GAS2L3: variants seen among roughly 807,000 people sequenced by gnomAD.
GAS2L3 encodes the protein GAS2-like protein 3.
In GAS2L3, 28 loss-of-function variants were observed where a neutral mutation model predicts 37.0. The ratio of observed to expected loss-of-function variants is 0.76; its 90% CI spans 0.56 to 1.04. The LOEUF is 1.04. Among genes scored for constraint, GAS2L3 ranks in the 50% least tolerant of loss-of-function variants. The pLI is 0.00. For synonymous variants in GAS2L3, 290 were observed against 296.6 expected, an observed-to-expected ratio of 0.98 and a Z score of 0.23; for missense variants, 793 against 817.6, an observed-to-expected ratio of 0.97 and a Z score of 0.37.
chr12:100,582,134 A>G (rs939621756), intron 1 of GAS2L3, among the ~76,000 whole-genome samples: 1 of 152,198 alleles, frequency 6.6e-6, no homozygotes, highest in Non-Finnish European at 1.5e-5. Flanking sequence ...CAGCAAAGGG[A>G]GATAAGGGTG....
chr12:100,602,833 C>T (rs561204563), intron 5 of GAS2L3, among the ~76,000 whole-genome samples: 1 of 152,276 alleles, frequency 6.6e-6, no homozygotes, highest in South Asian at 2.1e-4. Context: ...CGTCCTTCTA[C>T]TATCTCCGTG....
chr12:100,575,314 G>A (rs758454798), intron 1 of GAS2L3, among the ~76,000 whole-genome samples: 13 of 151,846 alleles, frequency 8.6e-5, no homozygotes, highest in Admixed American at 3.3e-4. Flanking sequence ...ATTGTTTATT[G>A]ACTAAATTAT....
chr12:100,583,809 G>A (rs909059083), intron 1 of GAS2L3, among the ~76,000 whole-genome samples: 5 of 152,044 alleles, frequency 3.3e-5, no homozygotes, highest in Non-Finnish European at 7.4e-5. Flanking sequence ...ATATCAGGCA[G>A]CTCACTTGAC....
In GAS2L3 at chr12:100,624,198, T is replaced by A; in HGVS notation, c.1393T>A (p.Cys465Ser). 1.9e-6 allele frequency: 3 copies of A among 1,613,962 alleles called. No individual in the cohort carries two copies. Among genetic ancestry groups the A allele is most frequent in the South Asian group, 1.1e-5 (1 of 91,078 alleles). ...LPESTLLPNK[C>S]SGKTQPKYLK... The stretch of plus-strand genomic sequence containing the variant: ...CGAGTCCACACTTTTGCCAAATAAG[T>A]GTTCAGGAAAAACTCAACCTAAGTA... The change falls in exon 10 of 10, where the codon TGT becomes AGT. Residue 465 changes from cysteine (C) to serine (S), a missense_variant. Transcript: ENST00000547754.
chr12:100,576,121 A>G (rs960063073), intron 1 of GAS2L3, among the ~76,000 whole-genome samples: 3 of 152,208 alleles, frequency 2.0e-5, no homozygotes, highest in African/African-American at 7.2e-5. Context: ...CCACTTCAGA[A>G]ATGATGTTCC....
intron 8 of GAS2L3, among the ~76,000 whole-genome samples, chr12:100,621,882 G>GGGAGAGAGA (rs1555203890): frequency 2.5e-5 from 2 of 81,256 alleles, no homozygotes; most frequent in Non-Finnish European, 4.6e-5. Context: ...GGTGGGGGGG[G>GGGAGAGAGA]GAGAGAGAGA....
intron 8 of GAS2L3, among the ~76,000 whole-genome samples, chr12:100,621,271 T>C (rs1280606042): frequency 1.3e-5 from 2 of 152,096 alleles, no homozygotes; most frequent in Admixed American, 6.6e-5. Context: ...AAAAATGTAA[T>C]TTTAGGAAAA....
rs1593156732 is a variant in GAS2L3 at position 100,579,269 on chromosome 12, T to G, written c.-152+5484T>G. 1.8e-5 allele frequency: 11 copies of G among 612,384 alleles called. No homozygotes were observed. The East Asian group carries it at 3.0e-4, about 17-fold the overall frequency. The allele number at this position is 612,384 out of a possible 1,614,324, so 37.9% of individuals were successfully genotyped here. A position where few individuals can be genotyped will look rare whatever the true frequency, so the allele number is the denominator to read the frequency against. On this transcript the variant is annotated intron_variant, in intron 1 of 9. Coordinates refer to ENST00000547754, the MANE Select transcript of GAS2L3 (RefSeq NM_174942.3). ...AAACAAACTTCTAACTGTGTCTCTT[T>G]GTGACACAAGCCGTATCATTTGCGT...
chr12:100,622,802 G>A (rs1956276053), intron 9 of GAS2L3, among the ~76,000 whole-genome samples: 1 of 103,992 alleles, frequency 9.6e-6, no homozygotes, highest in Non-Finnish European at 2.0e-5. Context: ...GAAGTGTAGA[G>A]TTTATAATAA....
At chr12:100,618,732 G>T in intron 8 of GAS2L3, 145 bp downstream of exon 8, 1 of 631,548 alleles carries the variant, frequency 1.6e-6, no homozygotes, top group South Asian at 2.7e-5. Context: ...TCCATTCTCT[G>T]ATGAATTCAG....
Position 100,623,807 on chromosome 12 carries a change from C to A in GAS2L3, c.1002C>A (p.Ser334Arg), listed in dbSNP as rs61748061. 139 of 1,613,886 alleles carry A rather than the reference C, an allele frequency of 8.6e-5. No homozygotes were observed. Among genetic ancestry groups the A allele is most frequent in the Non-Finnish European group, 1.2e-4 (136 of 1,179,970 alleles). Reference protein sequence around the residue: ...NMFQKQNSKPSVPVSIPKSKE... With the variant: ...NMFQKQNSKPRVPVSIPKSKE... ...TTCAGAAACAAAATTCAAAACCCAGCGTGCCAGTTAGTATTCCAAAAAGCA... is the reference window on the plus strand; with the variant it reads ...TTCAGAAACAAAATTCAAAACCCAGAGTGCCAGTTAGTATTCCAAAAAGCA... The change falls in exon 10 of 10, where the codon AGC becomes AGA. Residue 334 changes from serine to arginine, a missense_variant. Coordinates refer to ENST00000547754, the MANE Select transcript of GAS2L3 (RefSeq NM_174942.3).
rs777185833 is a variant in GAS2L3 at position 100,600,411 on chromosome 12, T to C, written c.48T>C (p.Ser16=). The C allele has an allele frequency of 6.2e-7, 1 of 1,604,868 alleles. No individual in the cohort carries two copies. The highest frequency in any genetic ancestry group is 1.1e-5 in the South Asian group (1 of 89,176). The change falls in exon 4 of 10, where the codon AGT becomes AGC. Residue 16 remains serine (S), a synonymous_variant. Transcript: ENST00000547754. ...QVWFGEDLPL[S]PRSPLTPRHG... is the part of the protein sequence containing the mutation. The stretch of plus-strand genomic sequence containing the variant: ...GGTTTGGAGAAGATCTGCCTCTAAG[T>C]CCTCGGAGTCCTCTGACTCCCAGAC...
chr12:100,604,581 A>C (rs1956033810), intron 5 of GAS2L3, among the ~76,000 whole-genome samples: 1 of 150,920 alleles, frequency 6.6e-6, no homozygotes, highest in Admixed American at 6.6e-5. Context: ...TTGGATGCCA[A>C]ATCTTTCTTT....
chr12:100,580,786 G>A (rs938614194), intron 1 of GAS2L3, among the ~76,000 whole-genome samples: 2 of 152,166 alleles, frequency 1.3e-5, no homozygotes, highest in African/African-American at 2.4e-5. Context: ...CCTGCTATAT[G>A]TGGAATGTTG....
At chr12:100,622,443 CT>C (rs1956267256) in intron 9 of GAS2L3, 61 bp downstream of exon 9, 4 of 797,268 alleles carry the variant, frequency 5.0e-6, no homozygotes, top group Non-Finnish European at 8.3e-6. Flanking sequence ...GGATTTATTG[CT>C]TTACTAACCT....
chr12:100,618,909 G>T lies in GAS2L3; in HGVS notation c.648+322G>T, dbSNP rs1956220720. Among the ~76,000 whole-genome samples the T allele has an allele frequency of 2.0e-5, 3 of 152,006 alleles. No homozygotes were observed. In the South Asian group the frequency reaches 6.2e-4, roughly 32 times the overall value. ...GTCTGGTAGTATTGTAATCTGATTT[G>T]CAAATTATAAGGAATATTCTCATGG... On this transcript the variant is annotated intron_variant, in intron 8 of 9. Coordinates refer to ENST00000547754, the MANE Select transcript of GAS2L3 (RefSeq NM_174942.3).
rs11834625 is a variant in GAS2L3 at position 100,624,187 on chromosome 12, T to C, written c.1382T>C (p.Leu461Ser). The C allele has an allele frequency of 6.0e-4, 973 of 1,614,004 alleles. 8 individuals carry two copies. The African/African-American group carries it at 0.012, about 20-fold the overall frequency. ...GCAGATCTGCCCGAGTCCACACTTT[T>C]GCCAAATAAGTGTTCAGGAAAAACT... Reference protein sequence around the residue: ...NSADLPESTLLPNKCSGKTQP... With the variant: ...NSADLPESTLSPNKCSGKTQP... Residue 461 changes from leucine to serine, a missense_variant, in exon 10 of 10, where the codon TTG becomes TCG. Coordinates refer to ENST00000547754, the MANE Select transcript of GAS2L3 (RefSeq NM_174942.3).
intron 5 of GAS2L3, among the ~76,000 whole-genome samples, chr12:100,603,592 C>T (rs1367738135): frequency 6.6e-6 from 1 of 151,808 alleles, no homozygotes; most frequent in African/African-American, 2.4e-5. Context: ...TTGGGTTGCT[C>T]TTCAAGGTGT....
chr12:100,590,508 G>C (rs1955832857), intron 1 of GAS2L3, among the ~76,000 whole-genome samples: 1 of 152,206 alleles, frequency 6.6e-6, no homozygotes, highest in African/African-American at 2.4e-5. Flanking sequence ...AAACAGTGTG[G>C]AGATTCCTTA....
Sources: allele counts gnomAD v4.1 joint callset (sites outside exome capture counted in the v4.1 genomes callset), GRCh38; gene constraint gnomAD v4.1.1; transcripts MANE v1.5; gene names NCBI Gene and HGNC (gene_info 2026-07-23, HGNC 2026-07-21).